The following STK3 variants were observed in gnomAD, a reference collection of about 807,000 sequenced individuals.
STK3 encodes the protein serine/threonine-protein kinase 3.
Under a neutral mutation model 58.0 loss-of-function variants are expected in STK3, and 41 were observed. The observed-to-expected ratio is 0.71, with a 90% CI of 0.55 to 0.92. The LOEUF is 0.92. Ranked by LOEUF, STK3 falls within the 40% of genes least tolerant of loss-of-function variation. The pLI is 0.00. For synonymous variants in STK3, 170 were observed against 191.0 expected, an observed-to-expected ratio of 0.89 and a Z score of 0.91; for missense variants, 479 against 602.7, an observed-to-expected ratio of 0.79 and a Z score of 2.15.
At chr8:98,731,034 A>G (rs1210895510) in intron 4 of STK3, among the ~76,000 whole-genome samples, 1 of 152,230 alleles carries the variant, frequency 6.6e-6, no homozygotes, top group Non-Finnish European at 1.5e-5. Flanking sequence ...CCTAGAGTAC[A>G]TACATATTCA....
At chr8:98,572,267 G>C (rs964946274) in intron 8 of STK3, among the ~76,000 whole-genome samples, 6 of 150,170 alleles carry the variant, frequency 4.0e-5, no homozygotes, top group Non-Finnish European at 8.8e-5. Flanking sequence ...GAATACTAGA[G>C]TTAAACTAGT....
intron 6 of STK3, among the ~76,000 whole-genome samples, chr8:98,667,075 T>C (rs1167738837): frequency 2.0e-5 from 3 of 152,174 alleles, no homozygotes; most frequent in Non-Finnish European, 4.4e-5. Context: ...ATTGTTGCTG[T>C]CAATTACTTT....
intron 4 of STK3, among the ~76,000 whole-genome samples, chr8:98,719,353 C>T (rs866655256): frequency 6.6e-6 from 1 of 152,286 alleles, no homozygotes; most frequent in Middle Eastern, 3.4e-3. Flanking sequence ...CATTCTATTT[C>T]CAACCAATAA....
Position 98,503,753 on chromosome 8 carries a change from T to G in STK3, c.1317+22989A>C, listed in dbSNP as rs562006002. Among the ~76,000 whole-genome samples the G allele has an allele frequency of 2.6e-5, 4 of 152,370 alleles. No homozygotes were observed. In the East Asian group the frequency reaches 7.7e-4, roughly 29 times the overall value. On this transcript the variant is annotated intron_variant, in intron 10 of 10. Coordinates refer to ENST00000419617, the MANE Select transcript of STK3 (RefSeq NM_006281.4). ...ATCCTGAGTTCTAGTCTGATTGCACTGTGGTCTGAGAGACAGTTTGTTGTG... is the reference window on the plus strand; with the variant it reads ...ATCCTGAGTTCTAGTCTGATTGCACGGTGGTCTGAGAGACAGTTTGTTGTG...
intron 3 of STK3, among the ~76,000 whole-genome samples, chr8:98,833,450 C>T (rs1835618447): frequency 6.6e-6 from 1 of 152,118 alleles, no homozygotes; most frequent in African/African-American, 2.4e-5. Context: ...TTAAATCTCT[C>T]CTGGATCAGG....
chr8:98,592,771 TTATTTATTTTG>T (rs1815437563), intron 7 of STK3, among the ~76,000 whole-genome samples: 2 of 150,070 alleles, frequency 1.3e-5, no homozygotes, highest in African/African-American at 5.0e-5. Flanking sequence ...ATTTATTTAT[TTATTTATTTTG>T]AGACAGAGTC....
At chr8:98,360,392 C>A in the STK3 span, among the ~76,000 whole-genome samples, 1 of 152,212 alleles carries the variant, frequency 6.6e-6, no homozygotes. Context: ...CTTCTTCCCT[C>A]TGTGTCTCCA....
downstream of STK3, among the ~76,000 whole-genome samples, chr8:98,453,652 T>G (rs1434286303): frequency 3.9e-5 from 6 of 152,216 alleles, no homozygotes; most frequent in African/African-American, 1.4e-4. Flanking sequence ...AGTGGAACAC[T>G]TGACATATTA....
chr8:98,557,396 GTAC>G (rs1406157377), intron 8 of STK3, among the ~76,000 whole-genome samples: 3 of 152,026 alleles, frequency 2.0e-5, no homozygotes, highest in Non-Finnish European at 4.4e-5. Context: ...CCTTGAAACT[GTAC>G]TTCCAACTCT....
rs189684194 is a variant in STK3 at position 98,574,679 on chromosome 8, G to A, written c.948+4985C>T. On this transcript the variant is annotated intron_variant, in intron 8 of 10. Transcript: ENST00000419617. ...TTGACTGCATAGCACAGAGATGCAC[G>A]AAATGAAAAGAGGGCTTTGGACTCC... Among the ~76,000 whole-genome samples the A allele has an allele frequency of 1.8e-4, 27 of 152,310 alleles. No individual in the cohort carries two copies. The East Asian group carries it at 2.7e-3, about 15-fold the overall frequency.
intron 1 of STK3, among the ~76,000 whole-genome samples, chr8:98,386,199 A>C (rs1276017296): frequency 6.6e-6 from 1 of 152,252 alleles, no homozygotes; most frequent in Non-Finnish European, 1.5e-5. Context: ...CCATTTGAAC[A>C]AGTCCATCTA....
Position 98,866,427 on chromosome 8 carries a change from A to G in STK3, c.110+17220T>C, listed in dbSNP as rs563274956. Among the ~76,000 whole-genome samples the G allele has an allele frequency of 7.2e-5, 11 of 152,298 alleles. No homozygotes were observed. The South Asian group carries it at 1.7e-3, about 23-fold the overall frequency. On this transcript the variant is annotated intron_variant, in intron 3 of 12. Transcript: ENST00000523601. ...GAATAGAGACATTAATTGACCCATG[A>G]CTAACCAGCTTTTGATAAGATGCTT...
intron 10 of STK3, among the ~76,000 whole-genome samples, chr8:98,480,725 G>A (rs1304752976): frequency 1.3e-5 from 2 of 152,158 alleles, no homozygotes; most frequent in East Asian, 3.8e-4. Context: ...ACCTTGGTAT[G>A]CTGTACACGA....
chr8:98,617,093 A>G (rs944377937), intron 6 of STK3, among the ~76,000 whole-genome samples: 25 of 151,140 alleles, frequency 1.7e-4, no homozygotes, highest in Non-Finnish European at 3.1e-4. Flanking sequence ...GTAAAAGAAC[A>G]GAAATTATAA....
chr8:98,577,161 T>TC (rs1813478006), intron 8 of STK3, among the ~76,000 whole-genome samples: 1 of 152,192 alleles, frequency 6.6e-6, no homozygotes, highest in Admixed American at 6.5e-5. Flanking sequence ...GGTAACTGAT[T>TC]CTTAGAGCTC....
chr8:98,491,715 T>G (rs1447999200), intron 10 of STK3, among the ~76,000 whole-genome samples: 1 of 152,184 alleles, frequency 6.6e-6, no homozygotes, highest in Admixed American at 6.5e-5. Context: ...CTAAAGGATA[T>G]GGGTTCATAG....
chr8:98,559,475 G>T (rs1171661305), intron 8 of STK3, among the ~76,000 whole-genome samples: 3 of 152,118 alleles, frequency 2.0e-5, no homozygotes, highest in African/African-American at 7.2e-5. Context: ...TCTTTCCAGA[G>T]GAGGCAATGG....
At chr8:98,515,190 C>T (rs1278057905) in intron 10 of STK3, among the ~76,000 whole-genome samples, 1 of 152,152 alleles carries the variant, frequency 6.6e-6, no homozygotes, top group Non-Finnish European at 1.5e-5. Context: ...TTCACTTTGA[C>T]ACCAAAAAAC....
chr8:98,916,598 T>C (rs1341061762), intron 1 of STK3, among the ~76,000 whole-genome samples: 3 of 152,176 alleles, frequency 2.0e-5, no homozygotes. Flanking sequence ...CCTCCCTGTC[T>C]CCACTGGTTA....
Sources: allele counts gnomAD v4.1 joint callset (sites outside exome capture counted in the v4.1 genomes callset), GRCh38; gene constraint gnomAD v4.1.1; transcripts MANE v1.5; gene names NCBI Gene and HGNC (gene_info 2026-07-23, HGNC 2026-07-21).